KCNMB2: variants seen among roughly 807,000 people sequenced by gnomAD.
KCNMB2 encodes the protein potassium calcium-activated channel subfamily M regulatory beta subunit 2.
A neutral mutation model predicts 24.5 loss-of-function variants in KCNMB2; 9 were observed. That is an observed-to-expected ratio of 0.37 (90% CI 0.22 to 0.64). KCNMB2 has a LOEUF of 0.64. Among genes scored for constraint, KCNMB2 ranks in the 30% least tolerant of loss-of-function variants. The pLI is 0.63. For missense variants in KCNMB2, 226 were observed against 284.3 expected, an observed-to-expected ratio of 0.79 and a Z score of 1.47; for synonymous variants, 109 against 104.4, an observed-to-expected ratio of 1.04 and a Z score of -0.27.
chr3:178,568,439 G>T (rs144706211), intron 1 of KCNMB2, among the ~76,000 whole-genome samples: 2,187 of 152,194 alleles, frequency 0.014, 24 homozygotes, highest in Non-Finnish European at 0.021. Flanking sequence ...ACAAAATCTG[G>T]ATCCCTCCAG....
At chr3:178,823,903 T>C (rs1289865881) in intron 2 of KCNMB2, among the ~76,000 whole-genome samples, 2 of 140,820 alleles carry the variant, frequency 1.4e-5, no homozygotes, top group African/African-American at 3.0e-5. Context: ...ATTGGCTTTT[T>C]GCCTGAAGCT....
At chr3:178,707,421 T>A (rs1297384602) in intron 1 of KCNMB2, among the ~76,000 whole-genome samples, 1 of 152,116 alleles carries the variant, frequency 6.6e-6, no homozygotes, top group East Asian at 1.9e-4. Flanking sequence ...CAGTTGGTAC[T>A]CTGAAGTGCC....
rs533734381 is a variant in KCNMB2 at position 178,675,408 on chromosome 3, T to A, written c.-67-131935T>A. Among the ~76,000 whole-genome samples, 3 of 152,296 alleles carry A rather than the reference T, an allele frequency of 2.0e-5. No homozygotes were observed. The South Asian group carries it at 6.2e-4, about 32-fold the overall frequency. Reference sequence around the variant, plus strand: ...AGGGCATTTCAAGAGAGTGAGGTGATGTTCAGTTTAGAGGGATGAACTGCC... The same window carrying A: ...AGGGCATTTCAAGAGAGTGAGGTGAAGTTCAGTTTAGAGGGATGAACTGCC... On this transcript the variant is annotated intron_variant, in intron 1 of 4. Transcript: ENST00000452583.
At chr3:178,653,366 T>C (rs949054821) in intron 1 of KCNMB2, among the ~76,000 whole-genome samples, 1 of 152,164 alleles carries the variant, frequency 6.6e-6, no homozygotes, top group African/African-American at 2.4e-5. Context: ...TAAATAATTA[T>C]GTCATTTTCA....
chr3:178,593,939 T>C (rs1331920765), intron 1 of KCNMB2, among the ~76,000 whole-genome samples: 3 of 150,704 alleles, frequency 2.0e-5, no homozygotes, highest in Admixed American at 1.3e-4. Flanking sequence ...TCTCTAATCA[T>C]GTCTGCATGA....
rs1252775749 is a variant in KCNMB2, at chr3:178,568,847, A to AGAT, written c.-68+32137_-68+32139dup. 1.5e-3 allele frequency among the ~76,000 whole-genome samples: 115 copies of AGAT among 78,978 alleles called. 1 individual carries two copies. The highest frequency in any genetic ancestry group is 4.5e-3 in the East Asian group (9 of 2,020). 51.8% of individuals were successfully genotyped at this position (78,978 alleles called of 152,430 possible). On this transcript the variant is annotated intron_variant, in intron 1 of 4. Transcript: ENST00000452583. ...ATAGATAGATGATAGATAGATAGAT[A>AGAT]GATAGATGATAGATAGATAGATAGA...
chr3:178,757,349 GATATAT>G lies in KCNMB2; in HGVS notation c.-67-49975_-67-49970del, dbSNP rs768743661. Among the ~76,000 whole-genome samples, 7 of 19,622 alleles carry G rather than the reference GATATAT, an allele frequency of 3.6e-4. 2 individuals carry two copies. The highest frequency in any genetic ancestry group is 1.6e-3 in the South Asian group (1 of 608). 12.9% of individuals were successfully genotyped at this position (19,622 alleles called of 152,430 possible). On this transcript the variant is annotated intron_variant, in intron 1 of 4. Coordinates refer to ENST00000452583, the MANE Select transcript of KCNMB2 (RefSeq NM_181361.3). The stretch of plus-strand genomic sequence containing the variant: ...ATATATATGTATATATATCCAAGAG[GATATAT>G]ATATATATATATATATATCCAAGAG...
intron 1 of KCNMB2, among the ~76,000 whole-genome samples, chr3:178,606,759 A>G (rs1250620689): frequency 6.6e-6 from 1 of 152,160 alleles, no homozygotes; most frequent in Non-Finnish European, 1.5e-5. Flanking sequence ...CATCCCTAAT[A>G]TGATGGTATT....
chr3:178,830,606 A>G (rs2108471765), intron 4 of KCNMB2, among the ~76,000 whole-genome samples: 1 of 152,268 alleles, frequency 6.6e-6, no homozygotes, highest in East Asian at 1.9e-4. Context: ...TTACTGCTCC[A>G]AATCTTTGCC....
At chr3:178,564,078 G>C (rs958870493) in intron 1 of KCNMB2, among the ~76,000 whole-genome samples, 4 of 152,026 alleles carry the variant, frequency 2.6e-5, no homozygotes, top group African/African-American at 9.7e-5. Flanking sequence ...AGGAGTTCGA[G>C]ACCAGCTTGA....
chr3:178,612,544 A>C (rs1036198426), intron 1 of KCNMB2, among the ~76,000 whole-genome samples: 1 of 152,162 alleles, frequency 6.6e-6, no homozygotes, highest in African/African-American at 2.4e-5. Context: ...TGGCTGAAAG[A>C]AGCATAGTGA....
chr3:178,615,022 A>G (rs1718654657), intron 1 of KCNMB2, among the ~76,000 whole-genome samples: 1 of 152,230 alleles, frequency 6.6e-6, no homozygotes, highest in Admixed American at 6.5e-5. Context: ...GCAGACTCAT[A>G]GAAGTGCTGC....
intron 1 of KCNMB2, among the ~76,000 whole-genome samples, chr3:178,679,431 G>C (rs1323985170): frequency 6.6e-6 from 1 of 152,124 alleles, no homozygotes; most frequent in Non-Finnish European, 1.5e-5. Flanking sequence ...ATGAATGAAT[G>C]CGTATTAAAA....
At chr3:178,608,633 ATT>A (rs1291571982) in intron 1 of KCNMB2, among the ~76,000 whole-genome samples, 1 of 151,984 alleles carries the variant, frequency 6.6e-6, no homozygotes, top group Non-Finnish European at 1.5e-5. Context: ...TATTCTTTCT[ATT>A]TTTTGTACCT....
chr3:178,801,807 T>C (rs981987370), intron 1 of KCNMB2: 3 of 152,216 alleles, frequency 2.0e-5, no homozygotes, highest in Non-Finnish European at 4.4e-5. Context: ...TGGGAAGTCA[T>C]AGCAACCTTA....
At chr3:178,781,319 C>T (rs1045821767) in intron 1 of KCNMB2, among the ~76,000 whole-genome samples, 12 of 151,982 alleles carry the variant, frequency 7.9e-5, no homozygotes, top group East Asian at 1.9e-4. Flanking sequence ...ATGACGGGCA[C>T]GGTGGCTCAC....
chr3:178,597,194 A>G (rs780423832), intron 1 of KCNMB2, among the ~76,000 whole-genome samples: 8 of 152,152 alleles, frequency 5.3e-5, no homozygotes, highest in Non-Finnish European at 1.2e-4. Flanking sequence ...ATGGGTTTTT[A>G]TCACATAAAG....
chr3:178,700,702 A>C (rs1722058281), intron 1 of KCNMB2, among the ~76,000 whole-genome samples: 1 of 152,182 alleles, frequency 6.6e-6, no homozygotes, highest in Non-Finnish European at 1.5e-5. Context: ...TGACATAGAA[A>C]CAAGAGCTCA....
At chr3:178,730,403 A>ACCC (rs1395897447) in intron 1 of KCNMB2, among the ~76,000 whole-genome samples, 19 of 78,430 alleles carry the variant, frequency 2.4e-4, no homozygotes, top group African/African-American at 5.2e-4. Flanking sequence ...CTGTCCCCCA[A>ACCC]CACCCCCCCA....
Sources: gnomAD v4.1 joint callset for allele counts (sites outside exome capture counted in the v4.1 genomes callset) on GRCh38, gnomAD v4.1.1 for gene constraint, MANE v1.5 for transcripts, NCBI Gene and HGNC (gene_info 2026-07-23, HGNC 2026-07-21) for gene names.